The following FAM20C variants were observed in gnomAD, a reference collection of about 807,000 sequenced individuals.
The protein encoded by FAM20C is extracellular serine/threonine protein kinase FAM20C.
FAM20C carries 40 observed loss-of-function variants against 51.5 expected under a neutral mutation model. The ratio of observed to expected loss-of-function variants is 0.78; its 90% CI spans 0.60 to 1.01. The LOEUF (loss-of-function observed/expected upper bound fraction) is 1.01. Ranked by LOEUF, FAM20C falls within the 50% of genes least tolerant of loss-of-function variation. The probability of loss-of-function intolerance (pLI) is 0.00; values close to 1 mark genes in which losing one functional copy is unlikely to be tolerated. For missense variants in FAM20C, 861 were observed against 844.7 expected (o/e 1.02, Z -0.24); for synonymous variants, 406 against 380.6 (o/e 1.07, Z -0.78).
intron 3 of FAM20C, among the ~76,000 whole-genome samples, chr7:240,734 G>A (rs980415843): frequency 6.6e-6 from 1 of 152,192 alleles, no homozygotes; most frequent in Admixed American, 6.5e-5. Flanking sequence ...TTGCCCTGGG[G>A]CCCTCTCCCC....
At position 256,028 on chromosome 7, in the gene FAM20C, G is replaced by A. The variant is rs1157345537; in HGVS notation, c.1252G>A (p.Glu418Lys). 8.5e-6 allele frequency: 13 copies of A among 1,535,514 alleles called. No homozygotes were observed. The East Asian group carries it at 9.8e-5, about 12-fold the overall frequency. The change falls in exon 6 of 10, where the codon GAG becomes AAG. Residue 418 changes from glutamate to lysine, a missense_variant and splice_region_variant. Coordinates refer to ENST00000313766, the MANE Select transcript of FAM20C (RefSeq NM_020223.4). ...TTCCTACCACAAGCGCAAGAAGGCCGAGTGAGTGCGGGGCCGGGGGGCTGG... is the reference window on the plus strand; with the variant it reads ...TTCCTACCACAAGCGCAAGAAGGCCAAGTGAGTGCGGGGCCGGGGGGCTGG... ...RRSYHKRKKA[E>K]WEVDPDYCEE...
chr7:229,172 T>C (rs1787564952), intron 3 of FAM20C: 2 of 276,240 alleles, frequency 7.2e-6, no homozygotes, highest in South Asian at 8.1e-5. Context: ...CGGGTTTGTG[T>C]GAAATAGGCG....
intron 5 of FAM20C, among the ~76,000 whole-genome samples, chr7:252,578 C>T (rs575104426): frequency 2.0e-5 from 3 of 152,342 alleles, no homozygotes; most frequent in East Asian, 1.9e-4. Context: ...CTCGGCCTCC[C>T]GTGGCCTGAG....
chr7:259,646 G>A (rs572083463), intron 9 of FAM20C, 85 bp from the exon 10 acceptor site: 72 of 1,299,906 alleles, frequency 5.5e-5, no homozygotes, highest in African/African-American at 2.2e-4. Flanking sequence ...CCACTCTCTC[G>A]ATCTCCCTCT....
chr7:233,693 C>T (rs1360550046), intron 3 of FAM20C, among the ~76,000 whole-genome samples: 1 of 152,188 alleles, frequency 6.6e-6, no homozygotes, highest in Non-Finnish European at 1.5e-5. Context: ...GCTGTGGTCT[C>T]TCCTTCCCCA....
intron 5 of FAM20C, among the ~76,000 whole-genome samples, chr7:252,976 C>A (rs868282281): frequency 1.7e-4 from 26 of 152,384 alleles, no homozygotes; most frequent in South Asian, 6.2e-4. Context: ...CAGGACCAGG[C>A]CCAGGTCCTC....
At chr7:249,801 T>TCCAAGCGCCTCTCTGGTA (rs959937923) in intron 5 of FAM20C, among the ~76,000 whole-genome samples, 11 of 152,122 alleles carry the variant, frequency 7.2e-5, no homozygotes, top group Non-Finnish European at 1.5e-4. Context: ...AGTCCTCCTC[T>TCCAAGCGCCTCTCTGGTA]CCAAGCGCCT....
At chr7:206,362 C>G (rs1786378565) in intron 2 of FAM20C, among the ~76,000 whole-genome samples, 2 of 152,240 alleles carry the variant, frequency 1.3e-5, no homozygotes, top group African/African-American at 4.8e-5. Flanking sequence ...CCCTCATGCC[C>G]TGCTGCCCCA....
chr7:206,273 C>A (rs1000153196), intron 2 of FAM20C, among the ~76,000 whole-genome samples: 1 of 152,234 alleles, frequency 6.6e-6, no homozygotes, highest in East Asian at 1.9e-4. Context: ...GCAGCTGCCG[C>A]AGCCCCAGCC....
At chr7:195,505 A>G (rs1785817284) in intron 1 of FAM20C, 49 bp from the exon 2 acceptor site, 1 of 1,404,342 alleles carries the variant, frequency 7.1e-7, no homozygotes, top group African/African-American at 1.5e-5. Flanking sequence ...CATCCGACTC[A>G]CGGGCCTGTT....
At chr7:216,664 AG>A (rs1407017174) in intron 3 of FAM20C, among the ~76,000 whole-genome samples, 1 of 132,922 alleles carries the variant, frequency 7.5e-6, no homozygotes, top group Non-Finnish European at 1.6e-5. Flanking sequence ...TGTGTGTGTG[AG>A]AGACAGAGTG....
intron 5 of FAM20C, 31 bp from the exon 6 acceptor site, chr7:255,818 C>T (rs1222487172): frequency 6.5e-7 from 1 of 1,535,724 alleles, no homozygotes; most frequent in Admixed American, 2.0e-5. Flanking sequence ...CCCTGTGCGG[C>T]CCTGGTAACC....
intron 3 of FAM20C, among the ~76,000 whole-genome samples, chr7:212,105 T>A (rs1009064708): frequency 6.6e-6 from 1 of 152,220 alleles, no homozygotes; most frequent in African/African-American, 2.4e-5. Flanking sequence ...AGGCTGTGGT[T>A]TGCATACGAA....
chr7:243,121 AGAGACCTGTGCCACCCGG>A (rs1562390534), intron 3 of FAM20C, among the ~76,000 whole-genome samples: 1 of 58,500 alleles, frequency 1.7e-5, no homozygotes, highest in Non-Finnish European at 3.1e-5. Context: ...GTGCCACCCA[AGAGACCTGTGCCACCCGG>A]GAGACCTGTG....
At chr7:217,384 G>GAACTCC (rs1787032829) in intron 3 of FAM20C, among the ~76,000 whole-genome samples, 3 of 151,690 alleles carry the variant, frequency 2.0e-5, no homozygotes, top group Admixed American at 6.6e-5. Flanking sequence ...GGCTGTGGGT[G>GAACTCC]AGCTCCAGCC....
intron 1 of FAM20C, among the ~76,000 whole-genome samples, chr7:195,069 G>A (rs548013246): frequency 2.0e-5 from 3 of 152,328 alleles, no homozygotes; most frequent in Admixed American, 2.0e-4. Flanking sequence ...TTGTGCCCCT[G>A]GTTGTTGGAA....
intron 3 of FAM20C, among the ~76,000 whole-genome samples, chr7:216,760 CA>C (rs1317343135): frequency 1.3e-5 from 2 of 151,728 alleles, no homozygotes; most frequent in Non-Finnish European, 2.9e-5. Context: ...TGTCTGCAAA[CA>C]GCTGTCCCAA....
intron 3 of FAM20C, among the ~76,000 whole-genome samples, chr7:214,781 G>T (rs950466655): frequency 7.2e-5 from 11 of 152,208 alleles, no homozygotes; most frequent in African/African-American, 2.4e-4. Context: ...TTTGAGTCCG[G>T]TGGACGCACC....
chr7:215,069 C>T (rs1786895739), intron 3 of FAM20C, among the ~76,000 whole-genome samples: 1 of 152,044 alleles, frequency 6.6e-6, no homozygotes, highest in Non-Finnish European at 1.5e-5. Context: ...TCCTATGCTC[C>T]ACGGGAGACA....
Sources: allele counts gnomAD v4.1 joint callset (sites outside exome capture counted in the v4.1 genomes callset), GRCh38; gene constraint gnomAD v4.1.1; transcripts MANE v1.5; gene names NCBI Gene and HGNC (gene_info 2026-07-23, HGNC 2026-07-21).